The following PRDM10 variants were observed in gnomAD, a reference collection of about 807,000 sequenced individuals.
PRDM10 encodes PR/SET domain 10, also known as PR domain zinc finger protein 10.
A neutral mutation model predicts 133.1 loss-of-function variants in PRDM10; 65 were observed. The observed-to-expected ratio is 0.49, with a 90% CI of 0.40 to 0.60. PRDM10 has a LOEUF of 0.60. Among genes scored for constraint, PRDM10 ranks in the 20% least tolerant of loss-of-function variants. The probability of loss-of-function intolerance (pLI) is 0.00; values close to 1 mark genes in which losing one functional copy is unlikely to be tolerated. For missense variants in PRDM10, 1,137 were observed against 1,507.1 expected, an observed-to-expected ratio of 0.75 and a Z score of 4.07; for synonymous variants, 582 against 580.4, an observed-to-expected ratio of 1.00 and a Z score of -0.04.
At position 129,979,366 on chromosome 11, in the gene PRDM10, C is replaced by A. The variant is rs532383151; in HGVS notation, c.-118-18284G>T. Among the ~76,000 whole-genome samples the A allele has an allele frequency of 9.9e-5, 15 of 151,762 alleles. No homozygotes were observed. In the South Asian group the frequency reaches 1.7e-3, roughly 17 times the overall value. ...CTCCTGTGCCCTCTCCCCAGGATACCCACCATCCTCCCCAGGATCCACCCA... is the reference window on the plus strand; with the variant it reads ...CTCCTGTGCCCTCTCCCCAGGATACACACCATCCTCCCCAGGATCCACCCA... On this transcript the variant is annotated intron_variant, in intron 1 of 20. Transcript: ENST00000360871.
intron 13 of PRDM10, among the ~76,000 whole-genome samples, chr11:129,922,968 AG>A (rs1364128328): frequency 6.6e-6 from 1 of 152,214 alleles, no homozygotes; most frequent in Admixed American, 6.5e-5. Context: ...AAATCTCAAT[AG>A]CGATTTAGTT....
intron 1 of PRDM10, among the ~76,000 whole-genome samples, chr11:129,969,560 A>C (rs1951972973): frequency 6.6e-6 from 1 of 151,952 alleles, no homozygotes. Context: ...TTGGGAGGCC[A>C]AGGTGGGCGG....
chr11:129,973,419 G>A (rs975488260), intron 1 of PRDM10, among the ~76,000 whole-genome samples: 5 of 152,168 alleles, frequency 3.3e-5, no homozygotes, highest in African/African-American at 1.2e-4. Context: ...GCAAGAACTG[G>A]CACAAGACAA....
rs531197060 is a variant in PRDM10 at position 129,900,322 on chromosome 11, G to A, written c.*1991C>T. On this transcript the variant is annotated 3_prime_UTR_variant, in exon 21 of 21. Coordinates refer to ENST00000360871, the MANE Select transcript of PRDM10 (RefSeq NM_199437.2). The stretch of plus-strand genomic sequence containing the variant: ...TGATAATATACAAATTAGTTTTAGA[G>A]TCTTTATTTCACTTAAGGACCAAAG... 2 of 150,256 alleles carry A rather than the reference G, an allele frequency of 1.3e-5. No homozygotes were observed. The highest frequency in any genetic ancestry group is 3.9e-4 in the East Asian group (2 of 5,120). 9.3% of individuals were successfully genotyped at this position (150,256 alleles called of 1,614,324 possible).
At chr11:129,921,315 C>G (rs893031831) in intron 13 of PRDM10, among the ~76,000 whole-genome samples, 1 of 152,234 alleles carries the variant, frequency 6.6e-6, no homozygotes, top group East Asian at 1.9e-4. Context: ...GTGACATTAG[C>G]CAGGTGAAGG....
At chr11:129,906,088 A>C (rs1200154741) in intron 19 of PRDM10, among the ~76,000 whole-genome samples, 1 of 152,248 alleles carries the variant, frequency 6.6e-6, no homozygotes, top group Non-Finnish European at 1.5e-5. Flanking sequence ...AATTTGTGAC[A>C]CAAATGTATC....
Position 129,961,040 on chromosome 11 carries a change from CACGTGTGTTCATGAAGG to C in PRDM10, c.-93_-77del. 7.3e-7 allele frequency: 1 copy of C among 1,372,634 alleles called. No individual in the cohort carries two copies. The highest frequency in any genetic ancestry group is 1.2e-5 in the South Asian group (1 of 83,956). The allele number at this position is 1,372,634 out of a possible 1,614,324, so 85.0% of individuals were successfully genotyped here. A position where few individuals can be genotyped will look rare whatever the true frequency, so the allele number is the denominator to read the frequency against. ...GTACAGGACAGTCATCTGTCTACCA[CACGTGTGTTCATGAAGG>C]ACGGAAAGGTCTGTCTGCAGCATGC... is the stretch of plus-strand genomic sequence containing the variant. On this transcript the variant is annotated 5_prime_UTR_variant, in exon 2 of 21. It removes an upstream start codon present in the reference 5' UTR. Coordinates refer to ENST00000360871, the MANE Select transcript of PRDM10 (RefSeq NM_199437.2).
At chr11:129,946,900 G>A (rs1392503133) in intron 5 of PRDM10, among the ~76,000 whole-genome samples, 3 of 152,080 alleles carry the variant, frequency 2.0e-5, no homozygotes, top group African/African-American at 7.2e-5. Context: ...GTCCCTGTGT[G>A]ACCCCCAGCG....
chr11:129,911,038 A>C (rs1950174635), intron 18 of PRDM10, among the ~76,000 whole-genome samples: 1 of 152,198 alleles, frequency 6.6e-6, no homozygotes, highest in Non-Finnish European at 1.5e-5. Flanking sequence ...GGCCTCCCAA[A>C]GTGCTGGGAT....
chr11:129,908,266 G>A (rs1303510704), intron 19 of PRDM10, among the ~76,000 whole-genome samples: 2 of 152,182 alleles, frequency 1.3e-5, no homozygotes, highest in Admixed American at 1.3e-4. Context: ...GAGCCCAGGA[G>A]TTTGAGATCA....
intron 7 of PRDM10, 73 bp from the exon 8 acceptor site, chr11:129,937,743 C>T: frequency 7.3e-7 from 1 of 1,363,390 alleles, no homozygotes; most frequent in Non-Finnish European, 1.0e-6. Context: ...AATTATTTCT[C>T]CTGCTTACAG....
chr11:129,974,205 C>G (rs1049213444), intron 1 of PRDM10, among the ~76,000 whole-genome samples: 3 of 152,158 alleles, frequency 2.0e-5, no homozygotes, highest in Non-Finnish European at 4.4e-5. Flanking sequence ...AGAGGCTAGA[C>G]TATGGTAAGC....
intron 2 of PRDM10, among the ~76,000 whole-genome samples, chr11:129,959,760 A>G (rs1413421765): frequency 6.6e-6 from 1 of 152,130 alleles, no homozygotes; most frequent in African/African-American, 2.4e-5. Flanking sequence ...AACTTTTTTA[A>G]GTAATCAGAC....
Position 129,900,262 on chromosome 11 carries a change from T to C in PRDM10, c.*2051A>G, listed in dbSNP as rs1316639993. ...TGCAGAATACCTGATCTGAAAGCCATGCGATTTGGCTCGACTGCCATCCGC... is the reference window on the plus strand; with the variant it reads ...TGCAGAATACCTGATCTGAAAGCCACGCGATTTGGCTCGACTGCCATCCGC... On this transcript the variant is annotated 3_prime_UTR_variant, in exon 21 of 21. Transcript: ENST00000360871. 1 of 152,240 alleles carries C rather than the reference T, an allele frequency of 6.6e-6. No homozygotes were observed. Among genetic ancestry groups the C allele is most frequent in the Non-Finnish European group, 1.5e-5 (1 of 68,046 alleles). The allele number at this position is 152,240 out of a possible 1,614,324, so 9.4% of individuals were successfully genotyped here.
chr11:129,944,584 CAA>C (rs36041173), intron 6 of PRDM10, among the ~76,000 whole-genome samples, 185 bp downstream of exon 6: 39 of 109,276 alleles, frequency 3.6e-4, no homozygotes, highest in South Asian at 5.7e-4. Flanking sequence ...GACTCCGTCT[CAA>C]AAAAAAAAAA....
intron 11 of PRDM10, among the ~76,000 whole-genome samples, chr11:129,927,107 C>T (rs1215636034): frequency 7.3e-6 from 1 of 137,390 alleles, no homozygotes; most frequent in Non-Finnish European, 1.5e-5. Context: ...GTAATCCCAG[C>T]TACTTGGGAG....
intron 20 of PRDM10, among the ~76,000 whole-genome samples, chr11:129,905,363 G>GAA (rs57268294): frequency 0.18 from 12,490 of 69,244 alleles, 1,428 homozygotes; most frequent in African/African-American, 0.34. Context: ...CTCTGTCTCA[G>GAA]AAAAAAAAAA....
chr11:129,919,313 G>C (rs568889433), intron 13 of PRDM10, among the ~76,000 whole-genome samples: 1 of 152,228 alleles, frequency 6.6e-6, no homozygotes, highest in Non-Finnish European at 1.5e-5. Flanking sequence ...GCTGCACTGA[G>C]TTGAGATCAC....
At chr11:129,973,417 T>C (rs1937616734) in intron 1 of PRDM10, among the ~76,000 whole-genome samples, 1 of 152,212 alleles carries the variant, frequency 6.6e-6, no homozygotes, top group Non-Finnish European at 1.5e-5. Flanking sequence ...CAGCAAGAAC[T>C]GGCACAAGAC....
Sources: gnomAD v4.1 joint callset for allele counts (sites outside exome capture counted in the v4.1 genomes callset) on GRCh38, gnomAD v4.1.1 for gene constraint, MANE v1.5 for transcripts, NCBI Gene and HGNC (gene_info 2026-07-23, HGNC 2026-07-21) for gene names.